The following TOX4 variants were observed in gnomAD, a reference collection of about 807,000 sequenced individuals.
TOX4 encodes the protein TOX high mobility group box family member 4.
A neutral mutation model predicts 61.0 loss-of-function variants in TOX4; 12 were observed. The ratio of observed to expected loss-of-function variants is 0.20; its 90% CI spans 0.13 to 0.32. TOX4 has a LOEUF of 0.32. Ranked by LOEUF, TOX4 falls within the 10% of genes least tolerant of loss-of-function variation. The pLI is 1.00. For missense variants in TOX4, 499 were observed against 753.3 expected (o/e 0.66, Z 3.95); for synonymous variants, 268 against 274.8 (o/e 0.98, Z 0.24).
intron 2 of TOX4, among the ~76,000 whole-genome samples, chr14:21,481,338 C>G (rs909899444): frequency 1.3e-5 from 2 of 152,120 alleles, no homozygotes; most frequent in Admixed American, 6.5e-5. Context: ...GCCACCACAC[C>G]TGGCTAATTT....
chr14:21,495,486 C>T, intron 8 of TOX4, 94 bp downstream of exon 8: 1 of 1,450,658 alleles, frequency 6.9e-7, no homozygotes, highest in Non-Finnish European at 9.4e-7. Context: ...ATCTCAGTGT[C>T]ACCTTACCTT....
rs1277328129 is a variant in TOX4, at chr14:21,497,426, G to C, written c.*820G>C. 1 of 151,190 alleles carries C rather than the reference G, an allele frequency of 6.6e-6. No individual in the cohort carries two copies. Among genetic ancestry groups the C allele is most frequent in the Non-Finnish European group, 1.5e-5 (1 of 67,898 alleles). The allele number at this position is 151,190 out of a possible 1,614,324, so 9.4% of individuals were successfully genotyped here. On this transcript the variant is annotated 3_prime_UTR_variant, in exon 9 of 9. Coordinates refer to ENST00000448790, the MANE Select transcript of TOX4 (RefSeq NM_014828.4). ...TTTAAATAAAACTCAAATTTTTACT[G>C]TTTGTAGACAGGAATGCTGTCCTAG...
At chr14:21,496,351 C>T in intron 8 of TOX4, 195 bp from the exon 9 acceptor site, 1 of 496,710 alleles carries the variant, frequency 2.0e-6, no homozygotes, top group South Asian at 2.1e-5. Flanking sequence ...CACAGTGAAA[C>T]CCTGTCCCCA....
rs1453639236 is a variant in TOX4 at position 21,496,648 on chromosome 14, A to C, written c.*42A>C. 1 of 1,576,176 alleles carries C rather than the reference A, an allele frequency of 6.3e-7. No homozygotes were observed. ...AGCCAGTGAAGAGTTATCTGCTGGG[A>C]AAGTGTCCAAGAGCCTGTTTTTGAA... On this transcript the variant is annotated 3_prime_UTR_variant, in exon 9 of 9. Coordinates refer to ENST00000448790, the MANE Select transcript of TOX4 (RefSeq NM_014828.4).
Position 21,498,076 on chromosome 14 carries a change from TGAGA to T in TOX4, c.*1473_*1476del. 1 of 583,256 alleles carries T rather than the reference TGAGA, an allele frequency of 1.7e-6. No homozygotes were observed. Among genetic ancestry groups the T allele is most frequent in the Non-Finnish European group, 3.0e-6 (1 of 328,982 alleles). 36.1% of individuals were successfully genotyped at this position (583,256 alleles called of 1,614,324 possible). On this transcript the variant is annotated 3_prime_UTR_variant, in exon 9 of 9. Coordinates refer to ENST00000448790, the MANE Select transcript of TOX4 (RefSeq NM_014828.4). Reference sequence around the variant, plus strand: ...AATACTCCCATTTCACATATAATACTGAGAGATGAGTTGCACAAGATTATACACT... The same window carrying T: ...AATACTCCCATTTCACATATAATACTGATGAGTTGCACAAGATTATACACT...
Position 21,477,211 on chromosome 14 carries a change from C to G in TOX4, c.-68C>G. 1 of 1,613,382 alleles carries G rather than the reference C, an allele frequency of 6.2e-7. No homozygotes were observed. Among genetic ancestry groups the G allele is most frequent in the Admixed American group, 1.7e-5 (1 of 60,028 alleles). ...ACACACGTCCTTGCGGAAGTGACGG[C>G]AGTTCCGAGTCCAGTGGGGGCGGTG... On this transcript the variant is annotated 5_prime_UTR_variant, in exon 1 of 9. Coordinates refer to ENST00000448790, the MANE Select transcript of TOX4 (RefSeq NM_014828.4).
At chr14:21,491,681 T>C (rs545823691) in intron 5 of TOX4, among the ~76,000 whole-genome samples, 1 of 150,690 alleles carries the variant, frequency 6.6e-6, no homozygotes, top group African/African-American at 2.4e-5. Context: ...TTTATTTTTG[T>C]TACAGAAGTG....
intron 2 of TOX4, among the ~76,000 whole-genome samples, chr14:21,481,289 G>A (rs748512280): frequency 2.6e-4 from 39 of 151,942 alleles, no homozygotes; most frequent in Non-Finnish European, 5.3e-4. Context: ...AGCAACTCTC[G>A]TGCATCAACC....
chr14:21,487,592 T>G lies in TOX4; in HGVS notation c.217T>G (p.Phe73Val). Residue 73 changes from phenylalanine to valine, a missense_variant, in exon 3 of 9, where the codon TTT becomes GTT. Physicochemically the swap from Phe to Val is conservative, Grantham distance 50. Around this residue, in one of 7 missense-constraint regions of TOX4, gnomAD observed 90 missense variants for 109.5 expected, o/e 0.82. Transcript: ENST00000448790. ...CCCTTCCTCTTCACAGGATGGCAGT[T>G]TTTCAGCCCAGTATGGGGTCCAGAC... Reference protein sequence around the residue: ...ADPSSSQDGSFSAQYGVQTLD... With the variant: ...ADPSSSQDGSVSAQYGVQTLD... 6.2e-7 allele frequency: 1 copy of G among 1,614,108 alleles called. No homozygotes were observed. Among genetic ancestry groups the G allele is most frequent in the Non-Finnish European group, 8.5e-7 (1 of 1,180,018 alleles).
Position 21,496,588 on chromosome 14 carries a change from AGTG to A in TOX4, c.1852_1854del (p.Val618del), listed in dbSNP as rs1485877497. The A allele has an allele frequency of 6.2e-7, 1 of 1,612,206 alleles. No individual in the cohort carries two copies. Among genetic ancestry groups the A allele is most frequent in the Non-Finnish European group, 8.5e-7 (1 of 1,179,394 alleles). On this transcript the variant is annotated inframe_deletion, in exon 9 of 9. Coordinates refer to ENST00000448790, the MANE Select transcript of TOX4 (RefSeq NM_014828.4). ...GGGTAGCCTCTAGAAATTCAAACAC[AGTG>A]GTGTTTGTGAAATAGTCCTTCCTGT...
At chr14:21,488,089 G>T in intron 3 of TOX4, 1 of 165,426 alleles carries the variant, frequency 6.0e-6, no homozygotes, top group Non-Finnish European at 1.3e-5. Context: ...AAAAGTCTGA[G>T]CCAAATATAG....
chr14:21,496,767 G>A lies in TOX4; in HGVS notation c.*161G>A. The stretch of plus-strand genomic sequence containing the variant: ...TTCCTTCAGCAGAGGCCAGGCTATG[G>A]AGCAGGGCCACTGAATTTGCTGTAA... On this transcript the variant is annotated 3_prime_UTR_variant, in exon 9 of 9. Transcript: ENST00000448790. 1 of 610,998 alleles carries A rather than the reference G, an allele frequency of 1.6e-6. No homozygotes were observed. Among genetic ancestry groups the A allele is most frequent in the Non-Finnish European group, 2.9e-6 (1 of 349,216 alleles). The allele number at this position is 610,998 out of a possible 1,614,324, so 37.8% of individuals were successfully genotyped here.
At position 21,495,381 on chromosome 14, in the gene TOX4, G is replaced by A. The variant is rs1417491903; in HGVS notation, c.1794G>A (p.Val598=). 1.5e-5 allele frequency: 24 copies of A among 1,613,182 alleles called. No homozygotes were observed. The highest frequency in any genetic ancestry group is 1.8e-5 in the Non-Finnish European group (21 of 1,179,576). The part of the protein sequence containing the change: ...DNEYCSNECV[V]KHCRDVFLAW... ...AATACTGCAGCAATGAGTGTGTGGTGAAGCACTGCAGGTGAGCTTACAGTT... is the reference window on the plus strand; with the variant it reads ...AATACTGCAGCAATGAGTGTGTGGTAAAGCACTGCAGGTGAGCTTACAGTT... The change falls in exon 8 of 9, where the codon GTG becomes GTA. Residue 598 remains valine, a synonymous_variant. Coordinates refer to ENST00000448790, the MANE Select transcript of TOX4 (RefSeq NM_014828.4).
intron 3 of TOX4, 173 bp from the exon 4 acceptor site, chr14:21,488,416 GT>G (rs1251631635): frequency 4.4e-6 from 3 of 680,932 alleles, no homozygotes; most frequent in Non-Finnish European, 7.2e-6. Context: ...ATTAATTTCT[GT>G]ACTTTTTTAA....
chr14:21,490,029 C>G (rs1891258656), intron 5 of TOX4, among the ~76,000 whole-genome samples: 1 of 151,644 alleles, frequency 6.6e-6, no homozygotes, highest in Admixed American at 6.6e-5. Context: ...AGAAAATTAG[C>G]TGGGTGTGGT....
Position 21,497,827 on chromosome 14 carries a change from T to A in TOX4, c.*1221T>A, listed in dbSNP as rs995699696. On this transcript the variant is annotated 3_prime_UTR_variant, in exon 9 of 9. Coordinates refer to ENST00000448790, the MANE Select transcript of TOX4 (RefSeq NM_014828.4). ...CAGGCATGAGCCACCGCACCCAGCC[T>A]GCATTCCTGTTTTTTTAATGGTTTT... 1 of 155,226 alleles carries A rather than the reference T, an allele frequency of 6.4e-6. No individual in the cohort carries two copies. Among genetic ancestry groups the A allele is most frequent in the Non-Finnish European group, 1.4e-5 (1 of 70,260 alleles). 9.6% of individuals were successfully genotyped at this position (155,226 alleles called of 1,614,324 possible). A position where few individuals can be genotyped will look rare whatever the true frequency, so the allele number is the denominator to read the frequency against.
At chr14:21,482,461 A>G (rs1821109589) in intron 2 of TOX4, 1 of 420,030 alleles carries the variant, frequency 2.4e-6, no homozygotes, top group Admixed American at 3.3e-5. Context: ...GGGATCAGAG[A>G]ATGAAAAAAG....
At chr14:21,487,063 A>G (rs571771675) in intron 2 of TOX4, among the ~76,000 whole-genome samples, 2 of 152,342 alleles carry the variant, frequency 1.3e-5, no homozygotes, top group East Asian at 1.9e-4. Context: ...TAATTGTGAA[A>G]TAACTGCTCT....
At chr14:21,483,910 C>T (rs929630505) in intron 2 of TOX4, among the ~76,000 whole-genome samples, 2 of 151,690 alleles carry the variant, frequency 1.3e-5, no homozygotes, top group Admixed American at 6.6e-5. Flanking sequence ...TGGGTTCAAG[C>T]GATTCTCGTG....
Sources: allele counts gnomAD v4.1 joint callset (sites outside exome capture counted in the v4.1 genomes callset), GRCh38; gene constraint gnomAD v4.1.1; regional missense constraint gnomAD v4.1.1; transcripts MANE v1.5; gene names NCBI Gene and HGNC (gene_info 2026-07-23, HGNC 2026-07-21).